Variants in CCDC171 observed in about 807,000 individuals in gnomAD.
CCDC171 encodes coiled-coil domain-containing protein 171.
CCDC171 carries 177 observed loss-of-function variants against 168.2 expected under a neutral mutation model. That is an observed-to-expected ratio of 1.05 (90% confidence interval 0.93 to 1.19). CCDC171 has a LOEUF of 1.19. Among genes scored for constraint, CCDC171 ranks in the 50% most tolerant of loss-of-function variants. The pLI is 0.00. For synonymous variants in CCDC171, 687 were observed against 540.8 expected (o/e 1.27, Z -3.75); for missense variants, 1,991 against 1,539.0 (o/e 1.29, Z -4.91).
At chr9:15,872,178 G>T (rs950254149) in intron 23 of CCDC171, among the ~76,000 whole-genome samples, 1 of 152,064 alleles carries the variant, frequency 6.6e-6, no homozygotes, top group East Asian at 1.9e-4. Flanking sequence ...TTATTCAAAT[G>T]ATTATGATGT....
At chr9:15,771,925 C>T (rs145601894) in intron 18 of CCDC171, among the ~76,000 whole-genome samples, 2,698 of 152,214 alleles carry the variant, frequency 0.018, 92 homozygotes, top group African/African-American at 0.061. Context: ...CTCTGCCTCC[C>T]GGGTTCAAGT....
chr9:15,630,245 G>C (rs1294038773), intron 7 of CCDC171, among the ~76,000 whole-genome samples: 1 of 152,176 alleles, frequency 6.6e-6, no homozygotes, highest in Admixed American at 6.5e-5. Context: ...ATTGGATACA[G>C]TCAAGACCCA....
At chr9:15,857,643 G>C (rs1290543590) in intron 23 of CCDC171, among the ~76,000 whole-genome samples, 1 of 151,508 alleles carries the variant, frequency 6.6e-6, no homozygotes, top group East Asian at 2.0e-4. Context: ...GGCTGGTCTT[G>C]AACTCCTGTC....
At chr9:16,077,057 G>A in the CCDC171 span, among the ~76,000 whole-genome samples, 1 of 152,168 alleles carries the variant, frequency 6.6e-6, no homozygotes, top group Non-Finnish European at 1.5e-5. Flanking sequence ...GCAACCGACT[G>A]AGGAAAAAAG....
chr9:15,966,370 G>T (rs1468443025), intron 25 of CCDC171, among the ~76,000 whole-genome samples: 1 of 152,174 alleles, frequency 6.6e-6, no homozygotes, highest in Non-Finnish European at 1.5e-5. Flanking sequence ...CCATGTAACT[G>T]GCTTGCACAG....
intron 7 of CCDC171, among the ~76,000 whole-genome samples, chr9:15,624,339 G>A (rs1018197101): frequency 6.6e-6 from 1 of 152,076 alleles, no homozygotes; most frequent in Admixed American, 6.6e-5. Flanking sequence ...TATACTTTAA[G>A]TTCTAGGGTA....
chr9:15,988,928 G>A (rs13286219), intron 3 of CCDC171, among the ~76,000 whole-genome samples: 31,695 of 152,132 alleles, frequency 0.21, 3,479 homozygotes, highest in African/African-American at 0.25. Context: ...CAAAGCGGCC[G>A]GGAAGCTCGA....
intron 25 of CCDC171, among the ~76,000 whole-genome samples, chr9:15,958,837 A>G (rs550829744): frequency 6.6e-6 from 1 of 152,258 alleles, no homozygotes; most frequent in South Asian, 2.1e-4. Context: ...TCATAACAGA[A>G]GGTGTCACAG....
At chr9:15,861,884 T>G (rs2061575044) in intron 23 of CCDC171, among the ~76,000 whole-genome samples, 1 of 152,040 alleles carries the variant, frequency 6.6e-6, no homozygotes, top group Non-Finnish European at 1.5e-5. Flanking sequence ...CTATTATTTC[T>G]ACTTGAAGAA....
chr9:15,962,237 C>A (rs767142472), intron 25 of CCDC171, among the ~76,000 whole-genome samples: 9 of 152,156 alleles, frequency 5.9e-5, no homozygotes, highest in Non-Finnish European at 1.3e-4. Flanking sequence ...AAGGTCTGAC[C>A]TTTGGTTAGA....
chr9:15,849,785 A>G (rs2061049938), intron 23 of CCDC171, among the ~76,000 whole-genome samples: 1 of 151,850 alleles, frequency 6.6e-6, no homozygotes, highest in African/African-American at 2.4e-5. Flanking sequence ...ATATCATTTT[A>G]TAAGTCACTT....
chr9:15,793,690 C>A (rs2058401173), intron 21 of CCDC171, among the ~76,000 whole-genome samples: 1 of 149,042 alleles, frequency 6.7e-6, no homozygotes, highest in Non-Finnish European at 1.5e-5. Context: ...GCTTGGACTA[C>A]AGGCACACAC....
chr9:15,617,661 C>T (rs1029492569), intron 6 of CCDC171, among the ~76,000 whole-genome samples: 1 of 152,270 alleles, frequency 6.6e-6, no homozygotes, highest in Admixed American at 6.5e-5. Flanking sequence ...CAGGCGTGAG[C>T]CACCACGCCC....
the CCDC171 span, among the ~76,000 whole-genome samples, chr9:16,082,196 G>A: frequency 0.47 from 71,088 of 152,054 alleles, 18,904 homozygotes; most frequent in African/African-American, 0.74. Context: ...AAGGTATTTC[G>A]TGTCTTCCTC....
chr9:15,844,276 G>A (rs568542254), intron 21 of CCDC171, among the ~76,000 whole-genome samples: 2 of 151,690 alleles, frequency 1.3e-5, no homozygotes, highest in African/African-American at 4.8e-5. Flanking sequence ...AAAATTATAT[G>A]TGATATATGG....
chr9:15,869,483 A>G (rs1306297707), intron 23 of CCDC171, among the ~76,000 whole-genome samples: 2 of 148,608 alleles, frequency 1.3e-5, no homozygotes, highest in Non-Finnish European at 3.0e-5. Context: ...TTATCTGATC[A>G]TACTTACTAA....
intron 6 of CCDC171, among the ~76,000 whole-genome samples, chr9:16,032,478 T>G (rs1044760812): frequency 6.6e-6 from 1 of 152,072 alleles, no homozygotes; most frequent in African/African-American, 2.4e-5. Flanking sequence ...GCAGAGGGCA[T>G]AGGTGGCCAG....
At chr9:15,578,622 G>C (rs2040864876) in intron 3 of CCDC171, among the ~76,000 whole-genome samples, 1 of 150,584 alleles carries the variant, frequency 6.6e-6, no homozygotes, top group South Asian at 2.1e-4. Context: ...TTTATAAAAA[G>C]TTCTTATAAG....
intron 11 of CCDC171, among the ~76,000 whole-genome samples, chr9:15,702,662 G>A (rs2051851719): frequency 6.6e-6 from 1 of 152,116 alleles, no homozygotes; most frequent in Non-Finnish European, 1.5e-5. Flanking sequence ...AGACTGTTTA[G>A]TCTTCACTGA....
Sources: gnomAD v4.1 joint callset for allele counts (sites outside exome capture counted in the v4.1 genomes callset) on GRCh38, gnomAD v4.1.1 for gene constraint, MANE v1.5 for transcripts, NCBI Gene and HGNC (gene_info 2026-07-23, HGNC 2026-07-21) for gene names.